Variants in HOOK3 observed in about 807,000 individuals in gnomAD.
The protein encoded by HOOK3 is hook microtubule tethering protein 3, also known as protein Hook homolog 3.
Under a neutral mutation model 116.3 loss-of-function variants are expected in HOOK3, and 24 were observed. The observed-to-expected ratio is 0.21, with a 90% CI of 0.15 to 0.29. The LOEUF (loss-of-function observed/expected upper bound fraction) is 0.29. Ranked by LOEUF, HOOK3 falls within the 10% of genes least tolerant of loss-of-function variation. The pLI is 1.00. For missense variants in HOOK3, 632 were observed against 830.2 expected (o/e 0.76, Z 2.93); for synonymous variants, 275 against 283.0 (o/e 0.97, Z 0.28).
intron 2 of HOOK3, among the ~76,000 whole-genome samples, chr8:42,908,079 C>G (rs927380561): frequency 2.0e-5 from 3 of 151,980 alleles, no homozygotes; most frequent in Non-Finnish European, 4.4e-5. Flanking sequence ...TAATAGCTAC[C>G]AAGTAAAATA....
In HOOK3 at chr8:42,997,604, A is replaced by G. The variant is rs529092492; in HGVS notation, c.1587A>G (p.Lys529=). 2.3e-4 allele frequency: 376 copies of G among 1,609,782 alleles called. No homozygotes were observed. In the South Asian group the frequency reaches 2.6e-3, roughly 11 times the overall value. Residue 529 remains lysine, a synonymous_variant, in exon 16 of 22, where the codon AAA becomes AAG. Coordinates refer to ENST00000307602, the MANE Select transcript of HOOK3 (RefSeq NM_032410.4). ...EVQSQVEELQ[K]SLQDQGSKAE... ...AGTCACAAGTTGAAGAATTACAAAA[A>G]TCTTTACAGGATCAAGGCTCAAAAG...
chr8:42,984,062 G>A (rs987501245), intron 14 of HOOK3, among the ~76,000 whole-genome samples: 2 of 152,106 alleles, frequency 1.3e-5, no homozygotes, highest in East Asian at 3.9e-4. Flanking sequence ...TTGTTGGTTA[G>A]CATTTGTTTA....
intron 15 of HOOK3, among the ~76,000 whole-genome samples, chr8:42,997,328 C>T (rs1183022192): frequency 6.6e-6 from 1 of 152,184 alleles, no homozygotes; most frequent in Non-Finnish European, 1.5e-5. Context: ...TATGTGCCCA[C>T]CCAAACACTG....
rs371863925 is a variant in HOOK3, at chr8:42,967,099, T to A, written c.920+486T>A. On this transcript the variant is annotated intron_variant, in intron 10 of 21. Coordinates refer to ENST00000307602, the MANE Select transcript of HOOK3 (RefSeq NM_032410.4). ...CTCAACCATCTACATTTTCCACTTT[T>A]GCTCTTTGAATACTGAGAACAGGGG... 1.8e-4 allele frequency among the ~76,000 whole-genome samples: 27 copies of A among 152,208 alleles called. No individual in the cohort carries two copies. In the South Asian group the frequency reaches 5.0e-3, roughly 28 times the overall value.
At chr8:42,942,930 G>A (rs142194710) in intron 4 of HOOK3, among the ~76,000 whole-genome samples, 157 of 152,314 alleles carry the variant, frequency 1.0e-3, no homozygotes, top group Non-Finnish European at 1.9e-3. Flanking sequence ...AATCAAGGTG[G>A]CTAGTGAGAA....
chr8:42,908,680 T>C (rs1807361989), intron 2 of HOOK3, among the ~76,000 whole-genome samples: 1 of 152,176 alleles, frequency 6.6e-6, no homozygotes, highest in Non-Finnish European at 1.5e-5. Context: ...TTAAAGACTT[T>C]TAAACATACC....
In HOOK3 at chr8:43,020,562, A is replaced by C. The variant is rs543012816; in HGVS notation, c.*2064A>C. 121 of 175,924 alleles carry C rather than the reference A, an allele frequency of 6.9e-4. No homozygotes were observed. The highest frequency in any genetic ancestry group is 1.4e-3 in the South Asian group (7 of 5,018). 10.9% of individuals were successfully genotyped at this position (175,924 alleles called of 1,614,324 possible). On this transcript the variant is annotated 3_prime_UTR_variant, in exon 22 of 22. Transcript: ENST00000307602. ...AAACCCCATCTCTACTAAATTACAAAAATTAGCTGGGCATGGTGGCATGTG... is the reference window on the plus strand; with the variant it reads ...AAACCCCATCTCTACTAAATTACAACAATTAGCTGGGCATGGTGGCATGTG...
chr8:42,980,302 C>A (rs1586619704), intron 13 of HOOK3, among the ~76,000 whole-genome samples: 1 of 152,124 alleles, frequency 6.6e-6, no homozygotes, highest in Admixed American at 6.6e-5. Context: ...AAATTTAACC[C>A]TTTTTCTCTC....
intron 8 of HOOK3, among the ~76,000 whole-genome samples, chr8:42,960,124 T>G (rs1470544550): frequency 3.3e-5 from 5 of 152,256 alleles, no homozygotes; most frequent in Non-Finnish European, 5.9e-5. Context: ...TAAGATTTCA[T>G]TATTTTTATA....
rs748405330 is a variant in HOOK3 at position 42,957,173 on chromosome 8, T to A, written c.531+17T>A. 6.6e-7 allele frequency: 1 copy of A among 1,504,166 alleles called. No individual in the cohort carries two copies. The highest frequency in any genetic ancestry group is 1.8e-5 in the Admixed American group (1 of 56,610). 93.2% of individuals were successfully genotyped at this position (1,504,166 alleles called of 1,614,324 possible). A position where few individuals can be genotyped will look rare whatever the true frequency, so the allele number is the denominator to read the frequency against. ...GATCGTCAGGTATATAATTTTACAT[T>A]GTTTTTATTCATGAAAAGGTTGAAA... On this transcript the variant is annotated intron_variant, in intron 7 of 21. Transcript: ENST00000307602.
rs1809948800 is a variant in HOOK3 at position 43,027,230 on chromosome 8, GT to G, written c.*8736del. On this transcript the variant is annotated 3_prime_UTR_variant, in exon 22 of 22. Transcript: ENST00000307602. Reference sequence around the variant, plus strand: ...TTTTCTTACATTCATATATAGCAAAGTTTTCAACTTGTCTACCGAGAGACTT... The same window carrying G: ...TTTTCTTACATTCATATATAGCAAAGTTTCAACTTGTCTACCGAGAGACTT... 1 of 264,250 alleles carries G rather than the reference GT, an allele frequency of 3.8e-6. No homozygotes were observed. Among genetic ancestry groups the G allele is most frequent in the Non-Finnish European group, 7.5e-6 (1 of 133,276 alleles). 16.4% of individuals were successfully genotyped at this position (264,250 alleles called of 1,614,324 possible). A position where few individuals can be genotyped will look rare whatever the true frequency, so the allele number is the denominator to read the frequency against.
chr8:42,976,344 C>G (rs1332162001), intron 13 of HOOK3, among the ~76,000 whole-genome samples: 1 of 151,488 alleles, frequency 6.6e-6, no homozygotes, highest in Non-Finnish European at 1.5e-5. Flanking sequence ...CCCACCCCAA[C>G]AAAAAAAATT....
At chr8:43,006,437 C>G (rs1809490670) in intron 17 of HOOK3, among the ~76,000 whole-genome samples, 2 of 152,106 alleles carry the variant, frequency 1.3e-5, no homozygotes, top group South Asian at 4.1e-4. Context: ...ACCTTAGCCT[C>G]CCGAGTAGCT....
rs2130507485 is a variant in HOOK3, at chr8:43,027,022, G to C, written c.*8524G>C. ...TTCTCCCACCTCAGCCTCCCGAGTA[G>C]TTAGGATTACAGGTGCCCACCACCA... On this transcript the variant is annotated 3_prime_UTR_variant, in exon 22 of 22. Transcript: ENST00000307602. 1 of 181,120 alleles carries C rather than the reference G, an allele frequency of 5.5e-6. No individual in the cohort carries two copies. The highest frequency in any genetic ancestry group is 2.4e-5 in the African/African-American group (1 of 42,442). 11.2% of individuals were successfully genotyped at this position (181,120 alleles called of 1,614,324 possible).
At chr8:42,971,444 T>C (rs935090050) in intron 11 of HOOK3, among the ~76,000 whole-genome samples, 1 of 151,482 alleles carries the variant, frequency 6.6e-6, no homozygotes, top group Non-Finnish European at 1.5e-5. Flanking sequence ...TTTTTGTGTA[T>C]TTTTAGTAGA....
chr8:42,957,923 G>A (rs1037865698), intron 7 of HOOK3, among the ~76,000 whole-genome samples: 2 of 149,368 alleles, frequency 1.3e-5, no homozygotes, highest in Non-Finnish European at 3.0e-5. Flanking sequence ...TTCACCTCCC[G>A]GGTTCTCACC....
chr8:42,959,718 GAAAAAAAAA>G (rs529721762), intron 8 of HOOK3, among the ~76,000 whole-genome samples: 1 of 29,042 alleles, frequency 3.4e-5, no homozygotes. Context: ...GACTACATCT[GAAAAAAAAA>G]AAAAAAAAAA....
chr8:42,926,496 G>C (rs1807768059), intron 3 of HOOK3, among the ~76,000 whole-genome samples: 1 of 152,152 alleles, frequency 6.6e-6, no homozygotes, highest in South Asian at 2.1e-4. Context: ...CTGTTGACCA[G>C]GCTGGTCTCA....
chr8:42,961,311 A>G (rs1320071204), intron 8 of HOOK3, among the ~76,000 whole-genome samples: 2 of 152,198 alleles, frequency 1.3e-5, no homozygotes, highest in African/African-American at 2.4e-5. Context: ...TTCTTGTGCA[A>G]TGATTTGTTT....
Sources: allele counts gnomAD v4.1 joint callset (sites outside exome capture counted in the v4.1 genomes callset), GRCh38; gene constraint gnomAD v4.1.1; transcripts MANE v1.5; gene names NCBI Gene and HGNC (gene_info 2026-07-23, HGNC 2026-07-21).